Variants in TENT5C observed in about 807,000 individuals in gnomAD.
TENT5C encodes terminal nucleotidyltransferase 5C, also known as family with sequence similarity 46 member C.
Under a neutral mutation model 22.2 loss-of-function variants are expected in TENT5C, and 5 were observed. The observed-to-expected ratio is 0.22, with a 90% CI of 0.12 to 0.47. The LOEUF (loss-of-function observed/expected upper bound fraction) is 0.47, where lower values mean the gene tolerates loss of function less well. TENT5C is among the 20% of genes least tolerant of loss of function. The pLI, the probability that TENT5C is intolerant of heterozygous loss-of-function variation, is 0.99. For missense variants in TENT5C, 364 were observed against 500.9 expected (o/e 0.73, Z 2.61); for synonymous variants, 199 against 195.4 (o/e 1.02, Z -0.15).
chr1:117,606,894 C>T (rs1653550079), intron 1 of TENT5C, among the ~76,000 whole-genome samples: 1 of 152,198 alleles, frequency 6.6e-6, no homozygotes, highest in Non-Finnish European at 1.5e-5. Context: ...CTTGGGAATG[C>T]GGTGTCTGTG....
rs1420340818 is a variant in TENT5C, at chr1:117,623,262, G to A, written c.394G>A (p.Val132Ile). 4 of 1,614,060 alleles carry A rather than the reference G, an allele frequency of 2.5e-6. No individual in the cohort carries two copies. The highest frequency in any genetic ancestry group is 1.3e-5 in the African/African-American group (1 of 74,912). Residue 132 changes from valine (V) to isoleucine (I), a missense_variant, in exon 2 of 2, where the codon GTC becomes ATC. Coordinates refer to ENST00000369448, the MANE Select transcript of TENT5C (RefSeq NM_017709.4). The stretch of plus-strand genomic sequence containing the variant: ...TGTGAACAAGCTCAAAATCAGTCCA[G>A]TCACTCTGAAGGAGGCATATGTGCA... Reference protein sequence around the residue: ...EGVNKLKISPVTLKEAYVQKL... With the variant: ...EGVNKLKISPITLKEAYVQKL...
chr1:117,610,085 CTCAGTTGCTAGT>C (rs1220009146), intron 1 of TENT5C, among the ~76,000 whole-genome samples: 1 of 152,130 alleles, frequency 6.6e-6, no homozygotes, highest in Non-Finnish European at 1.5e-5. Context: ...TCTCTGTTCA[CTCAGTTGCTAGT>C]TCTGCTGATT....
At chr1:117,618,596 G>C (rs1653834750) in intron 1 of TENT5C, among the ~76,000 whole-genome samples, 1 of 152,090 alleles carries the variant, frequency 6.6e-6, no homozygotes, top group African/African-American at 2.4e-5. Context: ...AATGTAGAGA[G>C]GAGGGGTGGG....
intron 1 of TENT5C, among the ~76,000 whole-genome samples, chr1:117,609,680 G>C (rs922007473): frequency 6.6e-6 from 1 of 152,198 alleles, no homozygotes; most frequent in Non-Finnish European, 1.5e-5. Flanking sequence ...GAGGCACTCC[G>C]ATTTCTCTCA....
chr1:117,607,620 G>A (rs1057308962), intron 1 of TENT5C, among the ~76,000 whole-genome samples: 1 of 152,154 alleles, frequency 6.6e-6, no homozygotes, highest in African/African-American at 2.4e-5. Context: ...ACCGTTGTTG[G>A]CGACAGCAAC....
Position 117,606,970 on chromosome 1 carries a change from G to C in TENT5C, c.-28+817G>C, listed in dbSNP as rs188223681. Among the ~76,000 whole-genome samples the C allele has an allele frequency of 3.9e-3, 593 of 152,332 alleles. 6 individuals carry two copies. Among genetic ancestry groups the C allele is most frequent in the African/African-American group, 0.013 (541 of 41,572 alleles). The stretch of plus-strand genomic sequence containing the variant: ...CTGCGTAGGTGAAAAGCCACGGCAA[G>C]TGGGTCGACTCGGACGGATACCGGT... On this transcript the variant is annotated intron_variant, in intron 1 of 1. Coordinates refer to ENST00000369448, the MANE Select transcript of TENT5C (RefSeq NM_017709.4).
chr1:117,624,108 G>T lies in TENT5C; in HGVS notation c.*64G>T. The stretch of plus-strand genomic sequence containing the variant: ...AGGGCTAGGGCTCTCAGGTAGGGGA[G>T]CCTCCTTCTAGATGTAGGCATTTGG... On this transcript the variant is annotated 3_prime_UTR_variant, in exon 2 of 2. Transcript: ENST00000369448. 7.2e-7 allele frequency: 1 copy of T among 1,398,278 alleles called. No individual in the cohort carries two copies. Among genetic ancestry groups the T allele is most frequent in the Non-Finnish European group, 9.7e-7 (1 of 1,032,772 alleles). 86.6% of individuals were successfully genotyped at this position (1,398,278 alleles called of 1,614,324 possible).
Position 117,626,363 on chromosome 1 carries a change from TC to T in TENT5C, c.*2323del, listed in dbSNP as rs751473357. The T allele has an allele frequency of 5.2e-5, 13 of 247,752 alleles. No homozygotes were observed. The highest frequency in any genetic ancestry group is 1.1e-4 in the Admixed American group (2 of 17,746). 15.3% of individuals were successfully genotyped at this position (247,752 alleles called of 1,614,324 possible). A position where few individuals can be genotyped will look rare whatever the true frequency, so the allele number is the denominator to read the frequency against. ...CACAGAAGTTGCGAGAAAGACCCAG[TC>T]CCCAGTCTTTGCCACCATTGCACCA... is the stretch of plus-strand genomic sequence containing the variant. On this transcript the variant is annotated 3_prime_UTR_variant, in exon 2 of 2. Transcript: ENST00000369448.
In TENT5C at chr1:117,623,225, C is replaced by T; in HGVS notation, c.357C>T (p.Phe119=). ...TGGTTCTGTGTTCCCTTCTGAACTT[C>T]CTGCCAGAGGGTGTGAACAAGCTCA... ...RDVVLCSLLN[F]LPEGVNKLKI... The change falls in exon 2 of 2, where the codon TTC becomes TTT. Residue 119 remains phenylalanine, a synonymous_variant. Transcript: ENST00000369448. 1 of 1,614,152 alleles carries T rather than the reference C, an allele frequency of 6.2e-7. No homozygotes were observed.
chr1:117,618,841 T>A (rs1334738167), intron 1 of TENT5C, among the ~76,000 whole-genome samples: 1 of 152,224 alleles, frequency 6.6e-6, no homozygotes, highest in Non-Finnish European at 1.5e-5. Context: ...TTCCAGAGAC[T>A]TTATATGCTT....
rs1653958836 is a variant in TENT5C at position 117,624,149 on chromosome 1, T to A, written c.*105T>A. On this transcript the variant is annotated 3_prime_UTR_variant, in exon 2 of 2. Coordinates refer to ENST00000369448, the MANE Select transcript of TENT5C (RefSeq NM_017709.4). ...AGGCATTTGGCTTTTAAAGGGGAAC[T>A]CAGCTCTGATTCTGCTTTTTTTTTT... The A allele has an allele frequency of 1.7e-5, 14 of 834,646 alleles. No individual in the cohort carries two copies. Among genetic ancestry groups the A allele is most frequent in the Non-Finnish European group, 2.2e-5 (12 of 541,400 alleles). The allele number at this position is 834,646 out of a possible 1,614,324, so 51.7% of individuals were successfully genotyped here. A position where few individuals can be genotyped will look rare whatever the true frequency, so the allele number is the denominator to read the frequency against.
chr1:117,622,836 T>C lies in TENT5C; in HGVS notation c.-27-6T>C. 1 of 1,590,562 alleles carries C rather than the reference T, an allele frequency of 6.3e-7. No individual in the cohort carries two copies. Among genetic ancestry groups the C allele is most frequent in the Non-Finnish European group, 8.6e-7 (1 of 1,162,246 alleles). On this transcript the variant is annotated splice_region_variant and splice_polypyrimidine_tract_variant and intron_variant, in intron 1 of 1. Coordinates refer to ENST00000369448, the MANE Select transcript of TENT5C (RefSeq NM_017709.4). ...CCTAACTCTGCTTCTCACCCCTCAC[T>C]TTCAGTTTCCCCAGCCAGAACATCC... is the stretch of plus-strand genomic sequence containing the variant.
chr1:117,613,891 A>C (rs1278270841), intron 1 of TENT5C, among the ~76,000 whole-genome samples: 2 of 152,246 alleles, frequency 1.3e-5, no homozygotes, highest in East Asian at 3.8e-4. Flanking sequence ...CTTTGAACTC[A>C]GGTAGAATGT....
In TENT5C at chr1:117,625,031, C is replaced by T. The variant is rs866111; in HGVS notation, c.*987C>T. 0.16 allele frequency: 40,083 copies of T among 247,542 alleles called. 4,744 individuals carry two copies. Among genetic ancestry groups the T allele is most frequent in the African/African-American group, 0.38 (17,248 of 45,226 alleles). The allele number at this position is 247,542 out of a possible 1,614,324, so 15.3% of individuals were successfully genotyped here. ...TTCCCATGTTTTAACTGGAAACCCACTTTGGTCACATTCCAAGTATGACAC... is the reference window on the plus strand; with the variant it reads ...TTCCCATGTTTTAACTGGAAACCCATTTTGGTCACATTCCAAGTATGACAC... On this transcript the variant is annotated 3_prime_UTR_variant, in exon 2 of 2. Transcript: ENST00000369448.
In TENT5C at chr1:117,623,694, A is replaced by G; in HGVS notation, c.826A>G (p.Ile276Val). Reference protein sequence around the residue: ...LERYMCSRFFIDFPDILEQQR... With the variant: ...LERYMCSRFFVDFPDILEQQR... ...GCGCTACATGTGCTCCAGGTTCTTC[A>G]TCGACTTCCCGGACATCCTTGAACA... The change falls in exon 2 of 2, where the codon ATC becomes GTC. Residue 276 changes from isoleucine to valine, a missense_variant. Physicochemically the swap from Ile to Val is conservative, Grantham distance 29. Transcript: ENST00000369448. The G allele has an allele frequency of 3.7e-6, 6 of 1,614,128 alleles. No homozygotes were observed. The highest frequency in any genetic ancestry group is 1.1e-5 in the South Asian group (1 of 91,066).
Position 117,606,094 on chromosome 1 carries a change from C to T in TENT5C, c.-87C>T, listed in dbSNP as rs2101069969. ...TAGGGGCTGTAGAGGTCGCGCCGCT[C>T]CTGCTGGGGCCTGCCCACGCCAAGG... is the stretch of plus-strand genomic sequence containing the variant. On this transcript the variant is annotated 5_prime_UTR_variant, in exon 1 of 2. Coordinates refer to ENST00000369448, the MANE Select transcript of TENT5C (RefSeq NM_017709.4). 1 of 152,588 alleles carries T rather than the reference C, an allele frequency of 6.6e-6. No homozygotes were observed. Among genetic ancestry groups the T allele is most frequent in the Middle Eastern group, 3.4e-3 (1 of 296 alleles). 9.5% of individuals were successfully genotyped at this position (152,588 alleles called of 1,614,324 possible).
chr1:117,614,034 T>C (rs1446769647), intron 1 of TENT5C, among the ~76,000 whole-genome samples: 1 of 152,266 alleles, frequency 6.6e-6, no homozygotes, highest in African/African-American at 2.4e-5. Flanking sequence ...CCATTCATAA[T>C]CTAAGCTGCT....
At chr1:117,606,987 G>T (rs1017017607) in intron 1 of TENT5C, among the ~76,000 whole-genome samples, 3 of 152,198 alleles carry the variant, frequency 2.0e-5, no homozygotes, top group Non-Finnish European at 2.9e-5. Context: ...GACTCGGACG[G>T]ATACCGGTGC....
chr1:117,625,084 T>A lies in TENT5C; in HGVS notation c.*1040T>A, dbSNP rs1401878485. The A allele has an allele frequency of 8.1e-5, 20 of 247,198 alleles. No homozygotes were observed. The East Asian group carries it at 1.2e-3, about 15-fold the overall frequency. The allele number at this position is 247,198 out of a possible 1,614,324, so 15.3% of individuals were successfully genotyped here. Reference sequence around the variant, plus strand: ...CTGTTCTTCTGGAGTACTTTAGCTATTTTTTGTTTTTGTTCTTTTCGTTTT... The same window carrying A: ...CTGTTCTTCTGGAGTACTTTAGCTAATTTTTGTTTTTGTTCTTTTCGTTTT... On this transcript the variant is annotated 3_prime_UTR_variant, in exon 2 of 2. Coordinates refer to ENST00000369448, the MANE Select transcript of TENT5C (RefSeq NM_017709.4).
Sources: allele counts gnomAD v4.1 joint callset (sites outside exome capture counted in the v4.1 genomes callset), GRCh38; gene constraint gnomAD v4.1.1; transcripts MANE v1.5; gene names NCBI Gene and HGNC (gene_info 2026-07-23, HGNC 2026-07-21).